Variants in SAMMSON observed in about 807,000 individuals in gnomAD.
SAMMSON encodes the protein long intergenic non-protein coding RNA 1212.
chr3:70,081,415 T>A (rs1422497368), intron 4 of SAMMSON, among the ~76,000 whole-genome samples: 1 of 152,166 alleles, frequency 6.6e-6, no homozygotes, highest in East Asian at 1.9e-4. Context: ...GCCCGGCCTC[T>A]TCATAGTTTT....
chr3:70,347,739 T>G (rs1331511394), intron 7 of SAMMSON, among the ~76,000 whole-genome samples: 1 of 152,068 alleles, frequency 6.6e-6, no homozygotes, highest in Non-Finnish European at 1.5e-5. Flanking sequence ...ACATCAGAAA[T>G]AAGACATATG....
At position 70,090,764 on chromosome 3, in the gene SAMMSON, G is replaced by T. The variant is rs536048452; in HGVS notation, n.507+19199G>T. ...AGTAATAACCTTTCCATGTCAAATT[G>T]CTTTAAATTAAACTTAAAAAAAAAA... On this transcript the variant is annotated intron_variant and non_coding_transcript_variant, in intron 4 of 9. Coordinates refer to ENST00000642114, the Ensembl canonical transcript of SAMMSON. 3.6e-4 allele frequency among the ~76,000 whole-genome samples: 53 copies of T among 146,208 alleles called. 1 individual carries two copies. Among genetic ancestry groups the T allele is most frequent in the South Asian group, 3.0e-3 (13 of 4,286 alleles).
chr3:70,145,627 A>G (rs1010584459), intron 4 of SAMMSON, among the ~76,000 whole-genome samples: 1 of 151,126 alleles, frequency 6.6e-6, no homozygotes, highest in Non-Finnish European at 1.5e-5. Context: ...ATCTCAGGGA[A>G]TTTGGAATAT....
chr3:70,357,398 T>C (rs569870330), intron 8 of SAMMSON, among the ~76,000 whole-genome samples: 1 of 152,316 alleles, frequency 6.6e-6, no homozygotes, highest in South Asian at 2.1e-4. Context: ...AGTGCTTTTA[T>C]CATTTATATT....
chr3:70,171,500 C>A (rs1700950060), intron 4 of SAMMSON, among the ~76,000 whole-genome samples: 1 of 151,742 alleles, frequency 6.6e-6, no homozygotes, highest in African/African-American at 2.4e-5. Flanking sequence ...AATAAAAATA[C>A]ATTTTCAAAA....
intron 7 of SAMMSON, among the ~76,000 whole-genome samples, chr3:70,325,558 G>A (rs1362482042): frequency 6.6e-6 from 1 of 152,130 alleles, no homozygotes; most frequent in African/African-American, 2.4e-5. Context: ...GAACAGTAAT[G>A]TAGTCCCTTA....
intron 2 of SAMMSON, among the ~76,000 whole-genome samples, chr3:70,427,365 T>C (rs976421366): frequency 3.6e-4 from 55 of 152,320 alleles, no homozygotes; most frequent in African/African-American, 1.2e-3. Flanking sequence ...ATTTCTTCCA[T>C]GTTATCTCAC....
intron 4 of SAMMSON, among the ~76,000 whole-genome samples, chr3:70,099,674 T>A: frequency 6.6e-6 from 1 of 152,256 alleles, no homozygotes; most frequent in East Asian, 1.9e-4. Flanking sequence ...CAGTTTGGCC[T>A]TGATTACTCC....
At chr3:70,101,830 C>A (rs1176191483) in intron 4 of SAMMSON, among the ~76,000 whole-genome samples, 2 of 152,072 alleles carry the variant, frequency 1.3e-5, no homozygotes, top group Non-Finnish European at 1.5e-5. Flanking sequence ...AATAACGAAA[C>A]TAAAATTATA....
intron 6 of SAMMSON, among the ~76,000 whole-genome samples, chr3:70,249,948 A>G (rs1029948757): frequency 2.0e-5 from 3 of 152,200 alleles, no homozygotes; most frequent in Non-Finnish European, 4.4e-5. Flanking sequence ...GGCCTCTGTT[A>G]TAGCACATAA....
chr3:70,378,556 G>A (rs1369094819), intron 9 of SAMMSON, among the ~76,000 whole-genome samples: 4 of 152,118 alleles, frequency 2.6e-5, no homozygotes, highest in South Asian at 2.1e-4. Context: ...TATTTTGATG[G>A]TATAATGTTT....
At chr3:70,221,681 C>T (rs1701461881) in intron 4 of SAMMSON, among the ~76,000 whole-genome samples, 2 of 152,088 alleles carry the variant, frequency 1.3e-5, no homozygotes, top group African/African-American at 4.8e-5. Flanking sequence ...GTCAATGATG[C>T]CAAGGTTCAA....
chr3:70,216,190 G>A (rs1200739883), intron 4 of SAMMSON, among the ~76,000 whole-genome samples: 3 of 150,036 alleles, frequency 2.0e-5, no homozygotes, highest in African/African-American at 7.3e-5. Context: ...TGCATATTAG[G>A]ATATATATTC....
intron 6 of SAMMSON, among the ~76,000 whole-genome samples, chr3:70,263,055 ATC>A (rs1380525331): frequency 1.3e-5 from 2 of 152,180 alleles, no homozygotes; most frequent in South Asian, 2.1e-4. Flanking sequence ...TAGGTAATTC[ATC>A]TCTCTCTTTA....
At chr3:70,246,686 A>G (rs1426439706) in intron 4 of SAMMSON, among the ~76,000 whole-genome samples, 1 of 151,868 alleles carries the variant, frequency 6.6e-6, no homozygotes, top group Admixed American at 6.6e-5. Flanking sequence ...ACACAATACT[A>G]AAAAAAATTA....
chr3:70,137,162 G>A (rs1416343221), intron 4 of SAMMSON, among the ~76,000 whole-genome samples: 1 of 152,010 alleles, frequency 6.6e-6, no homozygotes, highest in Non-Finnish European at 1.5e-5. Context: ...ATAGAATTAG[G>A]TAAACATATA....
Position 70,405,345 on chromosome 3 carries a change from A to C in SAMMSON, n.233+47021A>C, listed in dbSNP as rs1029899568. 4.5e-4 allele frequency among the ~76,000 whole-genome samples: 68 copies of C among 152,230 alleles called. 1 individual carries two copies. Among genetic ancestry groups the C allele is most frequent in the Admixed American group, 1.5e-3 (23 of 15,282 alleles). ...AGAAAGAAAAATCCTGGCATTTAACAATATCTAAAAATTGAAATATCTAAT... is the reference window on the plus strand; with the variant it reads ...AGAAAGAAAAATCCTGGCATTTAACCATATCTAAAAATTGAAATATCTAAT... On this transcript the variant is annotated intron_variant and non_coding_transcript_variant, in intron 2 of 3. Transcript: ENST00000641053.
intron 3 of SAMMSON, among the ~76,000 whole-genome samples, chr3:70,029,718 G>A (rs993050214): frequency 2.7e-5 from 4 of 147,278 alleles, no homozygotes; most frequent in East Asian, 2.0e-4. Context: ...TCACACCAGT[G>A]CATTCCAATC....
At chr3:70,239,327 T>A (rs1701642702) in intron 4 of SAMMSON, among the ~76,000 whole-genome samples, 2 of 152,298 alleles carry the variant, frequency 1.3e-5, no homozygotes, top group South Asian at 4.1e-4. Context: ...AGTCTTACCC[T>A]AGCTATTAGG....
Sources: gnomAD v4.1 joint callset for allele counts (sites outside exome capture counted in the v4.1 genomes callset) on GRCh38, gnomAD v4.1.1 for gene constraint, MANE v1.5 for transcripts, NCBI Gene and HGNC (gene_info 2026-07-23, HGNC 2026-07-21) for gene names.